The following CPLX2 variants were observed in gnomAD, a reference collection of about 807,000 sequenced individuals.
CPLX2 encodes the protein complexin-2.
Under a neutral mutation model 16.3 loss-of-function variants are expected in CPLX2, and 5 were observed. That is an observed-to-expected ratio of 0.31 (90% CI 0.16 to 0.64). CPLX2 has a LOEUF of 0.64. CPLX2 is among the 30% of genes least tolerant of loss of function. CPLX2 has a pLI of 0.79. For synonymous variants in CPLX2, 89 were observed against 73.2 expected (o/e 1.22, Z -1.10); for missense variants, 144 against 181.4 (o/e 0.79, Z 1.18).
At chr5:175,807,975 A>G (rs1035823181) in intron 1 of CPLX2, among the ~76,000 whole-genome samples, 1 of 152,172 alleles carries the variant, frequency 6.6e-6, no homozygotes, top group African/African-American at 2.4e-5. Context: ...AGACAATAGT[A>G]TCTGCTTCCT....
chr5:175,806,964 G>T (rs1181146829), intron 1 of CPLX2, among the ~76,000 whole-genome samples: 1 of 152,190 alleles, frequency 6.6e-6, no homozygotes, highest in African/African-American at 2.4e-5. Context: ...GCCTTGCCAG[G>T]CTAGCGGGAG....
intron 2 of CPLX2, among the ~76,000 whole-genome samples, chr5:175,813,477 A>G (rs1161819748): frequency 6.6e-6 from 1 of 152,228 alleles, no homozygotes; most frequent in African/African-American, 2.4e-5. Context: ...TGAACCTAGA[A>G]CCATGCTCAA....
intron 2 of CPLX2, among the ~76,000 whole-genome samples, chr5:175,841,001 C>T (rs1004342030): frequency 1.3e-5 from 2 of 152,206 alleles, no homozygotes; most frequent in African/African-American, 2.4e-5. Flanking sequence ...CAGCCTCCCA[C>T]ACCACAGTTG....
Position 175,881,712 on chromosome 5 carries a change from T to TC in CPLX2, c.*1669dup, listed in dbSNP as rs1755611632. The TC allele has an allele frequency of 6.6e-6, 1 of 152,582 alleles. No homozygotes were observed. Among genetic ancestry groups the TC allele is most frequent in the South Asian group, 2.1e-4 (1 of 4,822 alleles). 9.5% of individuals were successfully genotyped at this position (152,582 alleles called of 1,614,324 possible). A position where few individuals can be genotyped will look rare whatever the true frequency, so the allele number is the denominator to read the frequency against. On this transcript the variant is annotated 3_prime_UTR_variant, in exon 4 of 4. Transcript: ENST00000393745. ...GGGAGACCTTGTCCTTGGCCTAGAG[T>TC]CCTCCCACCCTTGGGGGGCTCCTGC...
intron 2 of CPLX2, among the ~76,000 whole-genome samples, chr5:175,859,319 C>G (rs1003442561): frequency 2.0e-5 from 3 of 152,194 alleles, no homozygotes; most frequent in African/African-American, 7.2e-5. Context: ...AATAAGAGGC[C>G]TTTCAAATGC....
chr5:175,877,962 A>G (rs1209718342), intron 1 of CPLX2, among the ~76,000 whole-genome samples: 2 of 152,282 alleles, frequency 1.3e-5, no homozygotes, highest in Non-Finnish European at 2.9e-5. Flanking sequence ...CCAGAAGATT[A>G]TAATGTCTCC....
intron 2 of CPLX2, among the ~76,000 whole-genome samples, chr5:175,837,304 G>A (rs1758856534): frequency 6.6e-6 from 1 of 152,194 alleles, no homozygotes; most frequent in Admixed American, 6.5e-5. Flanking sequence ...GGGGCTAATT[G>A]GAAACTGGAG....
intron 2 of CPLX2, among the ~76,000 whole-genome samples, chr5:175,821,877 G>T (rs1758516661): frequency 6.6e-6 from 1 of 152,220 alleles, no homozygotes; most frequent in South Asian, 2.1e-4. Context: ...ACCTAAATAA[G>T]TGAAATGGGG....
intron 2 of CPLX2, among the ~76,000 whole-genome samples, chr5:175,837,248 G>C (rs1758855165): frequency 6.6e-6 from 1 of 152,278 alleles, no homozygotes; most frequent in South Asian, 2.1e-4. Context: ...AGGCCTCGGG[G>C]CAACCCCACG....
chr5:175,798,403 G>A (rs1165144268), intron 1 of CPLX2, among the ~76,000 whole-genome samples: 3 of 152,202 alleles, frequency 2.0e-5, no homozygotes, highest in African/African-American at 7.2e-5. Flanking sequence ...CAGAGAAGTA[G>A]CTTGAGGAGG....
chr5:175,822,068 C>G (rs1758520274), intron 2 of CPLX2, among the ~76,000 whole-genome samples: 1 of 152,154 alleles, frequency 6.6e-6, no homozygotes, highest in South Asian at 2.1e-4. Flanking sequence ...AGCTCATTTG[C>G]CTGGAACGTA....
At position 175,880,367 on chromosome 5, in the gene CPLX2, G is replaced by A. The variant is rs1289543121; in HGVS notation, c.*322G>A. The A allele has an allele frequency of 1.1e-4, 47 of 419,614 alleles. 1 individual carries two copies. Among genetic ancestry groups the A allele is most frequent in the South Asian group, 9.5e-4 (46 of 48,326 alleles). 26.0% of individuals were successfully genotyped at this position (419,614 alleles called of 1,614,324 possible). A position where few individuals can be genotyped will look rare whatever the true frequency, so the allele number is the denominator to read the frequency against. On this transcript the variant is annotated 3_prime_UTR_variant, in exon 4 of 4. Coordinates refer to ENST00000393745, the MANE Select transcript of CPLX2 (RefSeq NM_001008220.2). ...ATTCCTCCCTGCTCCCCACTGCCAG[G>A]AGGACCACTGTCCCCAGCCAGCCAA...
chr5:175,847,516 G>A (rs944198040), intron 2 of CPLX2, among the ~76,000 whole-genome samples: 1 of 152,140 alleles, frequency 6.6e-6, no homozygotes, highest in African/African-American at 2.4e-5. Context: ...TTTGAAGCTG[G>A]GTCTGTAGGA....
intron 2 of CPLX2, among the ~76,000 whole-genome samples, chr5:175,839,446 C>T (rs545785358): frequency 6.6e-6 from 1 of 151,994 alleles, no homozygotes; most frequent in Non-Finnish European, 1.5e-5. Flanking sequence ...CCACCATGCC[C>T]GGCTAATGTT....
intron 1 of CPLX2, among the ~76,000 whole-genome samples, chr5:175,874,885 G>C (rs1561791806): frequency 6.6e-6 from 1 of 152,096 alleles, no homozygotes; most frequent in African/African-American, 2.4e-5. Flanking sequence ...AAAGAAGAGA[G>C]AGAAGACCTA....
rs73803068 is a variant in CPLX2 at position 175,849,819 on chromosome 5, T to C, written c.-88-28833T>C. On this transcript the variant is annotated intron_variant, in intron 2 of 4. Coordinates refer to the CPLX2 transcript ENST00000359546. This position sits in a 1 kb window ranked among gnomAD's most constrained non-coding sequence, Gnocchi z 4.4. ...CACCTTCCTTGCCTTGCTCCAGCCA[T>C]TGGGGTCATGGCATGTGGCCTCTCA... 0.034 allele frequency among the ~76,000 whole-genome samples: 5,187 copies of C among 152,258 alleles called. 288 individuals carry two copies. Among genetic ancestry groups the C allele is most frequent in the African/African-American group, 0.12 (4,869 of 41,552 alleles).
At chr5:175,876,415 G>A (rs1462542314) in intron 1 of CPLX2, among the ~76,000 whole-genome samples, 1 of 152,080 alleles carries the variant, frequency 6.6e-6, no homozygotes, top group Non-Finnish European at 1.5e-5. Context: ...AGAGACAGGA[G>A]GAAGAAGAGG....
At chr5:175,871,425 G>GAGAGAA (rs1561790284), upstream of CPLX2, 1 of 108,010 alleles carries the variant, frequency 9.3e-6, no homozygotes, top group Non-Finnish European at 2.0e-5. Flanking sequence ...GAGAGAGAGA[G>GAGAGAA]AGAGAGACAG....
intron 2 of CPLX2, among the ~76,000 whole-genome samples, chr5:175,826,445 G>A (rs1054476604): frequency 1.3e-5 from 2 of 151,840 alleles, no homozygotes; most frequent in African/African-American, 2.4e-5. Flanking sequence ...GCCACAGCAT[G>A]AGCATACCTG....
Sources: allele counts gnomAD v4.1 joint callset (sites outside exome capture counted in the v4.1 genomes callset), GRCh38; gene constraint gnomAD v4.1.1; non-coding constraint Gnocchi (gnomAD v3.1); transcripts MANE v1.5; gene names NCBI Gene and HGNC (gene_info 2026-07-23, HGNC 2026-07-21).